LRRC8C: variants seen among roughly 807,000 people sequenced by gnomAD.
LRRC8C encodes the protein leucine rich repeat containing 8 VRAC subunit C, also known as volume-regulated anion channel subunit LRRC8C.
LRRC8C carries 20 observed loss-of-function variants against 55.3 expected under a neutral mutation model. The ratio of observed to expected loss-of-function variants is 0.36; its 90% confidence interval spans 0.25 to 0.53. The LOEUF is 0.53. Among genes scored for constraint, LRRC8C ranks in the 20% least tolerant of loss-of-function variants. The pLI, the probability that LRRC8C is intolerant of heterozygous loss-of-function variation, is 0.92. For missense variants in LRRC8C, 659 were observed against 951.4 expected, an observed-to-expected ratio of 0.69 and a Z score of 4.04; for synonymous variants, 376 against 360.7, an observed-to-expected ratio of 1.04 and a Z score of -0.48.
intron 1 of LRRC8C, chr1:89,661,324 C>A: frequency 5.6e-6 from 2 of 357,880 alleles, no homozygotes; most frequent in South Asian, 5.3e-5. Flanking sequence ...TTCTTTCTGT[C>A]CCAACTAACA....
intron 2 of LRRC8C, among the ~76,000 whole-genome samples, chr1:89,693,646 CTTTTTTTTTT>C (rs35427989): frequency 1.8e-4 from 15 of 82,706 alleles, no homozygotes; most frequent in East Asian, 4.9e-4. Context: ...TCTTTTCTTC[CTTTTTTTTTT>C]TTTTTTTTTT....
chr1:89,684,616 G>C (rs768936201), intron 1 of LRRC8C, among the ~76,000 whole-genome samples: 1 of 152,042 alleles, frequency 6.6e-6, no homozygotes, highest in Non-Finnish European at 1.5e-5. Flanking sequence ...CAAACATTTG[G>C]GGCAGTGGGA....
intron 2 of LRRC8C, among the ~76,000 whole-genome samples, chr1:89,694,215 A>C (rs1658104333): frequency 6.6e-6 from 1 of 152,014 alleles, no homozygotes; most frequent in Non-Finnish European, 1.5e-5. Context: ...CTTCCCTAGA[A>C]TTTTACTTCT....
chr1:89,661,367 G>A (rs1345383711), intron 1 of LRRC8C: 3 of 336,546 alleles, frequency 8.9e-6, no homozygotes, highest in Non-Finnish European at 1.8e-5. Flanking sequence ...ACGAGATACA[G>A]TGCTGCTCCA....
At chr1:89,686,635 A>T (rs1657891546) in intron 2 of LRRC8C, 24 bp downstream of exon 2, 14 of 1,612,824 alleles carry the variant, frequency 8.7e-6, no homozygotes, top group Non-Finnish European at 1.2e-5. Context: ...TCCCTGGCAA[A>T]ATGGGGGCCA....
intron 2 of LRRC8C, among the ~76,000 whole-genome samples, chr1:89,702,843 G>A (rs186153721): frequency 4.6e-5 from 7 of 152,252 alleles, no homozygotes; most frequent in African/African-American, 1.7e-4. Context: ...TAAAGTCAAT[G>A]AATTATAAAA....
At chr1:89,641,760 T>A (rs1656462680) in intron 1 of LRRC8C, among the ~76,000 whole-genome samples, 2 of 152,210 alleles carry the variant, frequency 1.3e-5, no homozygotes, top group Admixed American at 6.5e-5. Context: ...TACTTTGAAC[T>A]GGTTTTCTAT....
intron 2 of LRRC8C, among the ~76,000 whole-genome samples, chr1:89,696,476 G>A (rs555184711): frequency 6.6e-6 from 1 of 152,230 alleles, no homozygotes; most frequent in South Asian, 2.1e-4. Context: ...GGGGAGAGGG[G>A]AAGGGGAAGG....
chr1:89,635,900 G>C (rs915815608), intron 1 of LRRC8C, among the ~76,000 whole-genome samples: 3 of 152,186 alleles, frequency 2.0e-5, no homozygotes, highest in African/African-American at 7.2e-5. Flanking sequence ...AGTGTTGACT[G>C]TATCTCCAGT....
At chr1:89,706,462 A>G (rs1360397208) in intron 2 of LRRC8C, 22 of 382,556 alleles carry the variant, frequency 5.8e-5, no homozygotes, top group South Asian at 2.9e-4. Context: ...TGTCATCCTG[A>G]TGTGTCTTAA....
In LRRC8C at chr1:89,689,130, T is replaced by C. The variant is rs184406155; in HGVS notation, c.138+2519T>C. On this transcript the variant is annotated intron_variant, in intron 2 of 2. Coordinates refer to ENST00000370454, the MANE Select transcript of LRRC8C (RefSeq NM_032270.5). ...CTTGCTGGTGACTCTAATCTGTGTA[T>C]TTCTGAAGTGATTCTGGTGCCAAAT... is the stretch of plus-strand genomic sequence containing the variant. Among the ~76,000 whole-genome samples, 9 of 152,370 alleles carry C rather than the reference T, an allele frequency of 5.9e-5. No individual in the cohort carries two copies. In the East Asian group the frequency reaches 1.7e-3, roughly 29 times the overall value.
At chr1:89,662,200 G>A (rs1657140220) in intron 1 of LRRC8C, among the ~76,000 whole-genome samples, 1 of 152,216 alleles carries the variant, frequency 6.6e-6, no homozygotes. Context: ...AGGAAAGCTT[G>A]CAAATTTCTG....
At chr1:89,623,206 T>C in the LRRC8C span, among the ~76,000 whole-genome samples, 1 of 152,152 alleles carries the variant, frequency 6.6e-6, no homozygotes, top group South Asian at 2.1e-4. Context: ...ACACATTCTT[T>C]AATGTAACAT....
At chr1:89,669,417 G>A (rs955447445) in intron 1 of LRRC8C, among the ~76,000 whole-genome samples, 12 of 151,982 alleles carry the variant, frequency 7.9e-5, no homozygotes, top group Admixed American at 3.3e-4. Flanking sequence ...AATTTTAAGC[G>A]GGTAGATCTT....
At chr1:89,691,896 T>C (rs1658036684) in intron 2 of LRRC8C, among the ~76,000 whole-genome samples, 1 of 152,166 alleles carries the variant, frequency 6.6e-6, no homozygotes, top group South Asian at 2.1e-4. Context: ...TTTTATGAAT[T>C]ATAAATTAAA....
chr1:89,618,348 G>A, the LRRC8C span, among the ~76,000 whole-genome samples: 1 of 152,206 alleles, frequency 6.6e-6, no homozygotes, highest in Non-Finnish European at 1.5e-5. Flanking sequence ...GTCTCCTACT[G>A]AGATTTACAA....
In LRRC8C at chr1:89,714,796, T is replaced by C. The variant is rs777731881; in HGVS notation, c.2226T>C (p.Ser742=). Residue 742 remains serine (S), a synonymous_variant, in exon 3 of 3, where the codon TCT becomes TCC. Coordinates refer to ENST00000370454, the MANE Select transcript of LRRC8C (RefSeq NM_032270.5). The surrounding 1 kb of genome is among the most constrained non-coding windows in gnomAD (Gnocchi z 4.6). ...TGAAGATTGGAAAAAACAGCCTATC[T>C]GTACTTTCACCGAAAATTGGAAATT... ...KTLKIGKNSL[S]VLSPKIGNLL... is the part of the protein sequence containing the mutation. 1.2e-5 allele frequency: 20 copies of C among 1,614,086 alleles called. No homozygotes were observed. The highest frequency in any genetic ancestry group is 1.4e-5 in the Non-Finnish European group (17 of 1,180,006).
intron 2 of LRRC8C, among the ~76,000 whole-genome samples, chr1:89,710,165 C>G (rs1658610507): frequency 1.3e-5 from 2 of 152,210 alleles, no homozygotes; most frequent in African/African-American, 4.8e-5. Context: ...CTGGCCCCCT[C>G]CCTCTGCCTA....
At chr1:89,673,188 G>A (rs1052174606) in intron 1 of LRRC8C, among the ~76,000 whole-genome samples, 1 of 151,810 alleles carries the variant, frequency 6.6e-6, no homozygotes, top group African/African-American at 2.4e-5. Flanking sequence ...TTTAGCATTT[G>A]TGATTAATAT....
Sources: gnomAD v4.1 joint callset for allele counts (sites outside exome capture counted in the v4.1 genomes callset) on GRCh38, gnomAD v4.1.1 for gene constraint, Gnocchi (gnomAD v3.1) non-coding constraint, MANE v1.5 for transcripts, NCBI Gene and HGNC (gene_info 2026-07-23, HGNC 2026-07-21) for gene names.